The following NKAIN3 variants were observed in gnomAD, a reference collection of about 807,000 sequenced individuals.
NKAIN3 encodes sodium/potassium transporting ATPase interacting 3, also known as sodium/potassium-transporting ATPase subunit beta-1-interacting protein 3.
NKAIN3 carries 25 observed loss-of-function variants against 30.2 expected under a neutral mutation model. The observed-to-expected ratio is 0.83, with a 90% CI of 0.60 to 1.16. The LOEUF (loss-of-function observed/expected upper bound fraction) is 1.16. NKAIN3 is among the 50% of genes most tolerant of loss of function. The probability of loss-of-function intolerance (pLI) is 0.00; values close to 1 mark genes in which losing one functional copy is unlikely to be tolerated. For missense variants in NKAIN3, 225 were observed against 254.1 expected (o/e 0.89, Z 0.78); for synonymous variants, 91 against 89.6 (o/e 1.02, Z -0.09).
chr8:62,849,360 T>G (rs762230213), intron 4 of NKAIN3, among the ~76,000 whole-genome samples: 1 of 149,954 alleles, frequency 6.7e-6, no homozygotes, highest in Non-Finnish European at 1.5e-5. Flanking sequence ...AACTCTCTAT[T>G]GGTCTATTCA....
chr8:62,845,833 T>G (rs1157935694), intron 4 of NKAIN3, among the ~76,000 whole-genome samples: 1 of 152,118 alleles, frequency 6.6e-6, no homozygotes, highest in Non-Finnish European at 1.5e-5. Context: ...CAATCCTTTT[T>G]GTTCACCACA....
intron 3 of NKAIN3, among the ~76,000 whole-genome samples, chr8:62,625,885 A>G (rs923694003): frequency 6.6e-6 from 1 of 152,072 alleles, no homozygotes; most frequent in African/African-American, 2.4e-5. Flanking sequence ...ATTATTGAAC[A>G]CTTACTACAG....
chr8:62,804,436 A>G (rs1435952412), intron 4 of NKAIN3, among the ~76,000 whole-genome samples: 1 of 152,214 alleles, frequency 6.6e-6, no homozygotes, highest in Non-Finnish European at 1.5e-5. Flanking sequence ...GCAGCACATC[A>G]AAAAGTTTAT....
Position 62,662,562 on chromosome 8 carries a change from T to A in NKAIN3, c.273+72768T>A, listed in dbSNP as rs574036748. ...TTCAGATATACATTGATCATTAGAA[T>A]CTTTTGAATCATTCTTCCAACAAGT... On this transcript the variant is annotated intron_variant, in intron 3 of 6. Coordinates refer to ENST00000623646, the MANE Select transcript of NKAIN3 (RefSeq NM_001304533.3). 2.6e-5 allele frequency among the ~76,000 whole-genome samples: 4 copies of A among 152,374 alleles called. No individual in the cohort carries two copies. In the East Asian group the frequency reaches 7.7e-4, roughly 29 times the overall value.
intron 4 of NKAIN3, among the ~76,000 whole-genome samples, chr8:62,819,041 A>G (rs563009753): frequency 6.6e-6 from 1 of 151,558 alleles, no homozygotes; most frequent in Non-Finnish European, 1.5e-5. Flanking sequence ...AATTGGATGG[A>G]TAGTAAGAAA....
chr8:62,710,392 T>A (rs1166892743), intron 3 of NKAIN3, among the ~76,000 whole-genome samples: 2 of 152,230 alleles, frequency 1.3e-5, no homozygotes, highest in Non-Finnish European at 2.9e-5. Context: ...TTTACAAATT[T>A]GGGAACTCCA....
chr8:62,401,092 C>T (rs1211677984), intron 1 of NKAIN3, among the ~76,000 whole-genome samples: 2 of 148,956 alleles, frequency 1.3e-5, no homozygotes, highest in African/African-American at 4.9e-5. Flanking sequence ...AGCTATCTTC[C>T]AGATCTTGCA....
chr8:62,781,480 A>G (rs1233886255), intron 4 of NKAIN3, among the ~76,000 whole-genome samples: 3 of 151,856 alleles, frequency 2.0e-5, no homozygotes, highest in Non-Finnish European at 2.9e-5. Flanking sequence ...GCAATCCTGA[A>G]CTAAAAGAAC....
intron 1 of NKAIN3, among the ~76,000 whole-genome samples, chr8:62,472,944 T>G (rs1237787735): frequency 6.6e-6 from 1 of 152,136 alleles, no homozygotes; most frequent in Non-Finnish European, 1.5e-5. Flanking sequence ...ACACAAACTC[T>G]TCTGTCTCTG....
At chr8:62,519,223 A>G (rs921845826) in intron 1 of NKAIN3, among the ~76,000 whole-genome samples, 3 of 152,140 alleles carry the variant, frequency 2.0e-5, no homozygotes, top group Non-Finnish European at 4.4e-5. Flanking sequence ...AAGGTCAAGG[A>G]AAAGATGGAA....
rs1823834338 is a variant in NKAIN3 at position 62,971,533 on chromosome 8, T to G, written c.*6126T>G. Among the ~76,000 whole-genome samples, 2 of 151,826 alleles carry G rather than the reference T, an allele frequency of 1.3e-5. No homozygotes were observed. Among genetic ancestry groups the G allele is most frequent in the African/African-American group, 4.8e-5 (2 of 41,304 alleles). ...CTATAGTCCCAGCTACTTGGGAGGTTGAAGTAGGAGGGTTGTTTGAACCTG... is the reference window on the plus strand; with the variant it reads ...CTATAGTCCCAGCTACTTGGGAGGTGGAAGTAGGAGGGTTGTTTGAACCTG... On this transcript the variant is annotated 3_prime_UTR_variant, in exon 7 of 7. Coordinates refer to ENST00000623646, the MANE Select transcript of NKAIN3 (RefSeq NM_001304533.3).
chr8:62,453,394 G>T (rs1417044181), intron 1 of NKAIN3, among the ~76,000 whole-genome samples: 1 of 152,080 alleles, frequency 6.6e-6, no homozygotes, highest in East Asian at 1.9e-4. Flanking sequence ...GTTGAGTGGG[G>T]AGTTTATACC....
At chr8:62,456,326 C>T (rs1230907650) in intron 1 of NKAIN3, among the ~76,000 whole-genome samples, 2 of 152,040 alleles carry the variant, frequency 1.3e-5, no homozygotes, top group East Asian at 3.9e-4. Context: ...TCGAGACCAT[C>T]TGGCTAACAT....
At chr8:62,341,514 C>T (rs1411547742) in intron 1 of NKAIN3, among the ~76,000 whole-genome samples, 1 of 151,930 alleles carries the variant, frequency 6.6e-6, no homozygotes, top group Non-Finnish European at 1.5e-5. Flanking sequence ...CTCTTTCTGT[C>T]AAGTTAGAGC....
chr8:62,925,253 A>G (rs1208417928), intron 5 of NKAIN3, among the ~76,000 whole-genome samples: 2 of 152,208 alleles, frequency 1.3e-5, no homozygotes, highest in African/African-American at 2.4e-5. Context: ...GGAACATCAT[A>G]GGAAATCAGT....
intron 6 of NKAIN3, among the ~76,000 whole-genome samples, chr8:62,957,953 G>A (rs1823468501): frequency 6.6e-6 from 1 of 152,152 alleles, no homozygotes; most frequent in African/African-American, 2.4e-5. Context: ...TGTGAGGGCA[G>A]GAACAGGGGC....
chr8:62,870,234 AG>A (rs1820566252), intron 4 of NKAIN3, among the ~76,000 whole-genome samples: 17 of 141,308 alleles, frequency 1.2e-4, no homozygotes, highest in Admixed American at 1.2e-3. Context: ...ATCTATATAT[AG>A]ATATCTATAG....
At position 62,428,021 on chromosome 8, in the gene NKAIN3, CA is replaced by C. The variant is rs1478425602; in HGVS notation, c.55-151516del. On this transcript the variant is annotated intron_variant, in intron 1 of 6. Transcript: ENST00000623646. Reference sequence around the variant, plus strand: ...TGCCATTACCCTTCCCAGCCTCTGTCAACCACCATTCTATTAACTATCTCCA... The same window carrying C: ...TGCCATTACCCTTCCCAGCCTCTGTCACCACCATTCTATTAACTATCTCCA... Among the ~76,000 whole-genome samples, 19 of 151,930 alleles carry C rather than the reference CA, an allele frequency of 1.3e-4. No individual in the cohort carries two copies. The East Asian group carries it at 3.7e-3, about 29-fold the overall frequency.
intron 1 of NKAIN3, among the ~76,000 whole-genome samples, chr8:62,476,904 T>C (rs1294261217): frequency 1.3e-5 from 2 of 152,008 alleles, no homozygotes; most frequent in Non-Finnish European, 2.9e-5. Context: ...CAGAAAGAAA[T>C]AAAGTGGCTT....
Sources: allele counts gnomAD v4.1 joint callset (sites outside exome capture counted in the v4.1 genomes callset), GRCh38; gene constraint gnomAD v4.1.1; transcripts MANE v1.5; gene names NCBI Gene and HGNC (gene_info 2026-07-23, HGNC 2026-07-21).